Variants in MYO16 observed in about 807,000 individuals in gnomAD.
The protein encoded by MYO16 is myosin XVI.
In MYO16, 94 loss-of-function variants were observed where a neutral mutation model predicts 205.3. That is an observed-to-expected ratio of 0.46 (90% CI 0.39 to 0.54). The LOEUF is 0.54. Among genes scored for constraint, MYO16 ranks in the 20% least tolerant of loss-of-function variants. The pLI is 0.00. For missense variants in MYO16, 2,315 were observed against 2,387.5 expected (o/e 0.97, Z 0.63); for synonymous variants, 988 against 954.0 (o/e 1.04, Z -0.66).
chr13:108,997,414 A>AGGAAAGGAAG (rs1885064446), intron 21 of MYO16, among the ~76,000 whole-genome samples: 1 of 107,864 alleles, frequency 9.3e-6, no homozygotes, highest in African/African-American at 4.3e-5. Context: ...GTGGGAGGAA[A>AGGAAAGGAAG]GGAAAGGAAA....
chr13:108,835,753 G>C (rs952208414), intron 9 of MYO16, among the ~76,000 whole-genome samples: 5 of 152,178 alleles, frequency 3.3e-5, no homozygotes, highest in African/African-American at 1.2e-4. Context: ...CACTTGCTAT[G>C]CTTTAGCAAA....
chr13:108,605,678 GTGAGT>G (rs1387953478), intron 1 of MYO16, among the ~76,000 whole-genome samples: 2 of 152,182 alleles, frequency 1.3e-5, no homozygotes, highest in African/African-American at 4.8e-5. Flanking sequence ...ATGCAGAACT[GTGAGT>G]TAATTAAACC....
chr13:108,859,638 G>A (rs1446379243), intron 11 of MYO16, among the ~76,000 whole-genome samples: 3 of 152,144 alleles, frequency 2.0e-5, no homozygotes, highest in African/African-American at 7.2e-5. Flanking sequence ...TGCGTGTGAT[G>A]AGACACATGC....
the MYO16 span, among the ~76,000 whole-genome samples, chr13:108,584,757 A>T: frequency 1.3e-5 from 2 of 152,200 alleles, no homozygotes; most frequent in African/African-American, 4.8e-5. Context: ...AAAATCAGGT[A>T]CATGTCTGTT....
rs563455298 is a variant in MYO16 at position 108,709,599 on chromosome 13, C to T, written c.293-3062C>T. On this transcript the variant is annotated intron_variant, in intron 2 of 34. Coordinates refer to ENST00000457511, the MANE Select transcript of MYO16 (RefSeq NM_001198950.3). ...TAAGGTACTCAGTACAGGGTTATAC[C>T]AAAGATGTTCAACATGTATTCGTTT... 5.5e-4 allele frequency among the ~76,000 whole-genome samples: 74 copies of T among 134,812 alleles called. 16 individuals are homozygous for T. The highest frequency in any genetic ancestry group is 8.3e-4 in the Admixed American group (11 of 13,262). The allele number at this position is 134,812 out of a possible 152,430, so 88.4% of individuals were successfully genotyped here.
intron 7 of MYO16, among the ~76,000 whole-genome samples, chr13:108,808,256 C>T (rs1358041710): frequency 6.6e-6 from 1 of 151,376 alleles, no homozygotes; most frequent in African/African-American, 2.4e-5. Context: ...ATAGACCTTC[C>T]AGAGGCCCAT....
At chr13:109,110,599 G>A (rs964386978) in intron 28 of MYO16, among the ~76,000 whole-genome samples, 3 of 152,188 alleles carry the variant, frequency 2.0e-5, no homozygotes, top group Non-Finnish European at 4.4e-5. Context: ...AAGAGAACAT[G>A]TATTTTCATA....
At chr13:108,823,397 G>T (rs1383828068) in intron 9 of MYO16, 119 bp downstream of exon 9, 1 of 853,146 alleles carries the variant, frequency 1.2e-6, no homozygotes, top group Non-Finnish European at 1.7e-6. Context: ...GTTTATCAAT[G>T]TATATACCAA....
intron 12 of MYO16, among the ~76,000 whole-genome samples, chr13:108,868,875 G>A (rs188873013): frequency 4.4e-4 from 66 of 149,804 alleles, no homozygotes; most frequent in African/African-American, 1.5e-3. Context: ...AGCCGAGATC[G>A]TGCCACTGCA....
At chr13:108,829,992 A>G (rs962481056) in intron 9 of MYO16, among the ~76,000 whole-genome samples, 2 of 143,972 alleles carry the variant, frequency 1.4e-5, no homozygotes, top group African/African-American at 5.1e-5. Flanking sequence ...TTATGCAGCC[A>G]AAAAACACAT....
chr13:108,983,942 AAGGCAAAAT>A (rs1884540360), intron 20 of MYO16, among the ~76,000 whole-genome samples: 2 of 152,320 alleles, frequency 1.3e-5, no homozygotes, highest in South Asian at 4.1e-4. Context: ...ACATCAGGAA[AAGGCAAAAT>A]AGAATTTATC....
At chr13:108,818,979 G>A (rs533545923) in intron 7 of MYO16, among the ~76,000 whole-genome samples, 19 of 152,252 alleles carry the variant, frequency 1.2e-4, no homozygotes, top group Admixed American at 1.0e-3. Context: ...TAAGTAGAAC[G>A]TAGAGCAGCA....
intron 33 of MYO16, among the ~76,000 whole-genome samples, chr13:109,173,653 T>C (rs541725369): frequency 2.0e-4 from 30 of 152,038 alleles, no homozygotes; most frequent in African/African-American, 7.0e-4. Context: ...CCCAGCACTT[T>C]GGGAGGCTGA....
rs182471929 is a variant in MYO16, at chr13:109,190,045, G to A, written c.5415+10412G>A. Among the ~76,000 whole-genome samples the A allele has an allele frequency of 1.4e-3, 212 of 151,898 alleles. 2 individuals are homozygous for A. The highest frequency in any genetic ancestry group is 4.6e-3 in the African/African-American group (192 of 41,426). ...TTACCCGTTTATGTGTTTATCCCACGTAAAGTTTTAATGTTATTATAGTCA... is the reference window on the plus strand; with the variant it reads ...TTACCCGTTTATGTGTTTATCCCACATAAAGTTTTAATGTTATTATAGTCA... On this transcript the variant is annotated intron_variant, in intron 34 of 34. Coordinates refer to ENST00000457511, the MANE Select transcript of MYO16 (RefSeq NM_001198950.3).
the MYO16 span, among the ~76,000 whole-genome samples, chr13:108,498,538 A>G: frequency 6.6e-6 from 1 of 152,194 alleles, no homozygotes; most frequent in Non-Finnish European, 1.5e-5. Flanking sequence ...TTTCTTCTAC[A>G]TTCTGCTCTG....
chr13:108,655,023 C>T (rs776361733), intron 1 of MYO16, among the ~76,000 whole-genome samples: 7 of 152,194 alleles, frequency 4.6e-5, no homozygotes, highest in South Asian at 2.1e-4. Flanking sequence ...CCTGATGATG[C>T]GTAGAAAAGA....
chr13:109,023,235 G>GA (rs1566467316), intron 23 of MYO16, among the ~76,000 whole-genome samples: 1 of 101,256 alleles, frequency 9.9e-6, no homozygotes, highest in Non-Finnish European at 1.8e-5. Context: ...ATATTATACA[G>GA]ATATAAATAT....
chr13:108,939,209 G>A (rs1272142229), intron 16 of MYO16, among the ~76,000 whole-genome samples: 1 of 152,236 alleles, frequency 6.6e-6, no homozygotes, highest in East Asian at 1.9e-4. Context: ...TCTGGGGAAT[G>A]TCTGAGTTTT....
intron 23 of MYO16, among the ~76,000 whole-genome samples, chr13:109,034,266 G>A (rs1413191305): frequency 6.6e-6 from 1 of 152,110 alleles, no homozygotes; most frequent in Non-Finnish European, 1.5e-5. Context: ...ATATGCTTAG[G>A]CTTTATGTCC....
Sources: allele counts gnomAD v4.1 joint callset (sites outside exome capture counted in the v4.1 genomes callset), GRCh38; gene constraint gnomAD v4.1.1; transcripts MANE v1.5; gene names NCBI Gene and HGNC (gene_info 2026-07-23, HGNC 2026-07-21).